The following SLC31A1 variants were observed in gnomAD, a reference collection of about 807,000 sequenced individuals.
SLC31A1 encodes solute carrier family 31 member 1.
SLC31A1 carries 5 observed loss-of-function variants against 17.2 expected under a neutral mutation model. The observed-to-expected ratio is 0.29, with a 90% confidence interval of 0.15 to 0.61. The LOEUF is 0.61. Ranked by LOEUF, SLC31A1 falls within the 20% of genes least tolerant of loss-of-function variation. The pLI is 0.86. For synonymous variants in SLC31A1, 76 were observed against 78.8 expected (o/e 0.96, Z 0.19); for missense variants, 161 against 241.4 (o/e 0.67, Z 2.21).
chr9:113,233,177 T>G (rs1831419083), intron 1 of SLC31A1, among the ~76,000 whole-genome samples: 3 of 152,246 alleles, frequency 2.0e-5, no homozygotes, highest in African/African-American at 7.2e-5. Flanking sequence ...ATTTTCCCAA[T>G]TTTAGAGCTG....
intron 2 of SLC31A1, 129 bp from the exon 3 acceptor site, chr9:113,256,984 C>A: frequency 1.3e-6 from 1 of 786,888 alleles, no homozygotes; most frequent in Non-Finnish European, 2.3e-6. Flanking sequence ...AGGGCAAAAG[C>A]CTCCCACTCA....
At chr9:113,228,784 A>G (rs943871042) in intron 1 of SLC31A1, among the ~76,000 whole-genome samples, 3 of 152,240 alleles carry the variant, frequency 2.0e-5, no homozygotes, top group Non-Finnish European at 4.4e-5. Flanking sequence ...TGTTAGTGTC[A>G]TCATTTAATA....
intron 1 of SLC31A1, among the ~76,000 whole-genome samples, chr9:113,253,958 C>CTTTTTTTTTTTTT (rs397967653): frequency 3.6e-5 from 4 of 110,402 alleles, no homozygotes; most frequent in Middle Eastern, 6.7e-3. Flanking sequence ...TACCCACAGT[C>CTTTTTTTTTTTTT]TTTTTTTTTT....
intron 1 of SLC31A1, among the ~76,000 whole-genome samples, chr9:113,230,671 A>G (rs1183350446): frequency 1.3e-5 from 2 of 152,212 alleles, no homozygotes; most frequent in Non-Finnish European, 2.9e-5. Flanking sequence ...TAGCGTATAC[A>G]TCACCTCAAA....
At chr9:113,237,358 A>T (rs1162366894) in intron 1 of SLC31A1, among the ~76,000 whole-genome samples, 1 of 152,212 alleles carries the variant, frequency 6.6e-6, no homozygotes, top group Non-Finnish European at 1.5e-5. Flanking sequence ...GCACTAGGAT[A>T]GCTTGACATT....
intron 1 of SLC31A1, among the ~76,000 whole-genome samples, chr9:113,231,929 T>G (rs1002320921): frequency 6.6e-6 from 1 of 152,248 alleles, no homozygotes; most frequent in Non-Finnish European, 1.5e-5. Flanking sequence ...CTATAACTCC[T>G]GTAAAGTTAC....
In SLC31A1 at chr9:113,258,755, A is replaced by G; in HGVS notation, c.264A>G (p.Ile88Met). 6.2e-7 allele frequency: 1 copy of G among 1,614,260 alleles called. No homozygotes were observed. The highest frequency in any genetic ancestry group is 1.3e-5 in the African/African-American group (1 of 75,076). ...LLAMFYEGLK[I>M]ARESLLRKSQ... is the part of the protein sequence containing the mutation. ...CAATGTTCTATGAAGGACTCAAGAT[A>G]GCCCGAGAGAGCCTGCTGCGTAAGT... Residue 88 changes from isoleucine to methionine, a missense_variant, in exon 4 of 5, where the codon ATA becomes ATG. Transcript: ENST00000374212. This position sits in a 1 kb window ranked among gnomAD's most constrained non-coding sequence, Gnocchi z 4.8.
At chr9:113,232,866 A>G (rs944596718) in intron 1 of SLC31A1, among the ~76,000 whole-genome samples, 1 of 152,132 alleles carries the variant, frequency 6.6e-6, no homozygotes, top group African/African-American at 2.4e-5. Context: ...AACAGCAGAC[A>G]TAAGGAAGAA....
intron 1 of SLC31A1, 42 bp downstream of exon 1, chr9:113,221,720 G>A (rs1831273543): frequency 4.0e-6 from 1 of 247,160 alleles, no homozygotes; most frequent in Non-Finnish European, 8.2e-6. Flanking sequence ...CCTGTGCATG[G>A]GTACCGTCCT....
intron 1 of SLC31A1, chr9:113,227,151 G>A (rs1350764318): frequency 1.3e-5 from 2 of 152,102 alleles, no homozygotes; most frequent in Non-Finnish European, 2.9e-5. Flanking sequence ...CTAAGAGCCA[G>A]ATCTAGAATG....
chr9:113,227,033 ATGGG>A (rs1337856478), intron 1 of SLC31A1, among the ~76,000 whole-genome samples: 1 of 152,156 alleles, frequency 6.6e-6, no homozygotes, highest in African/African-American at 2.4e-5. Flanking sequence ...TTTCACCAGA[ATGGG>A]TTTCTTATGG....
rs34302331 is a variant in SLC31A1, at chr9:113,226,135, C to CA, written c.-36+4472dup. On this transcript the variant is annotated intron_variant, in intron 1 of 4. Coordinates refer to ENST00000374212, the MANE Select transcript of SLC31A1 (RefSeq NM_001859.4). ...TGGGCGACAGAGTGAGACTCCATCT[C>CA]AAAAAAAAAAAAAAAGAAATAAAGA... 1.6e-3 allele frequency among the ~76,000 whole-genome samples: 193 copies of CA among 119,926 alleles called. 1 individual carries two copies. The highest frequency in any genetic ancestry group is 3.9e-3 in the African/African-American group (127 of 32,986). The allele number at this position is 119,926 out of a possible 152,430, so 78.7% of individuals were successfully genotyped here.
intron 3 of SLC31A1, among the ~76,000 whole-genome samples, chr9:113,257,808 A>G (rs1205883736): frequency 6.6e-6 from 1 of 152,194 alleles, no homozygotes; most frequent in South Asian, 2.1e-4. Context: ...TACTTATTTG[A>G]TAAGTTATTA....
At chr9:113,225,106 G>A (rs1404563400) in intron 1 of SLC31A1, among the ~76,000 whole-genome samples, 1 of 152,172 alleles carries the variant, frequency 6.6e-6, no homozygotes, top group East Asian at 1.9e-4. Flanking sequence ...GCATAAATAG[G>A]TTTGTGAATA....
At chr9:113,254,322 T>C (rs552184782) in intron 1 of SLC31A1, among the ~76,000 whole-genome samples, 2 of 152,330 alleles carry the variant, frequency 1.3e-5, no homozygotes, top group South Asian at 4.1e-4. Context: ...CATGAAATTA[T>C]ATTTATTGTT....
chr9:113,225,727 G>A (rs988998411), intron 1 of SLC31A1, among the ~76,000 whole-genome samples: 26 of 152,210 alleles, frequency 1.7e-4, no homozygotes, highest in African/African-American at 5.5e-4. Flanking sequence ...TACCTCTTTT[G>A]TCCAACTTGG....
intron 1 of SLC31A1, among the ~76,000 whole-genome samples, chr9:113,238,943 C>G (rs141815019): frequency 4.0e-4 from 61 of 152,250 alleles, no homozygotes; most frequent in Non-Finnish European, 7.6e-4. Context: ...CTGCCCATGT[C>G]CCTCCCAGAG....
At chr9:113,223,327 TAA>T (rs5900047) in intron 1 of SLC31A1, 26,817 of 311,526 alleles carry the variant, frequency 0.086, 1 homozygote, top group South Asian at 0.15. Flanking sequence ...TGGGTGCACC[TAA>T]AAAAAAAAAA....
intron 3 of SLC31A1, among the ~76,000 whole-genome samples, chr9:113,257,810 A>G (rs1831745182): frequency 6.6e-6 from 1 of 152,106 alleles, no homozygotes; most frequent in South Asian, 2.1e-4. Flanking sequence ...CTTATTTGAT[A>G]AGTTATTAGT....
Sources: gnomAD v4.1 joint callset for allele counts (sites outside exome capture counted in the v4.1 genomes callset) on GRCh38, gnomAD v4.1.1 for gene constraint, Gnocchi (gnomAD v3.1) non-coding constraint, MANE v1.5 for transcripts, NCBI Gene and HGNC (gene_info 2026-07-23, HGNC 2026-07-21) for gene names.